The following RFX7 variants were observed in gnomAD, a reference collection of about 807,000 sequenced individuals.
RFX7 encodes the protein regulatory factor X7, also known as DNA-binding protein RFX7.
RFX7 carries 26 observed loss-of-function variants against 111.8 expected under a neutral mutation model. The ratio of observed to expected loss-of-function variants is 0.23; its 90% CI spans 0.17 to 0.32. The LOEUF (loss-of-function observed/expected upper bound fraction) is 0.32. Among genes scored for constraint, RFX7 ranks in the 10% least tolerant of loss-of-function variants. The pLI, the probability that RFX7 is intolerant of heterozygous loss-of-function variation, is 1.00. For missense variants in RFX7, 1,573 were observed against 1,772.9 expected (o/e 0.89, Z 2.02); for synonymous variants, 624 against 624.4 (o/e 1.00, Z 0.01).
chr15:56,195,821 T>C (rs892989573), intron 2 of RFX7, among the ~76,000 whole-genome samples: 1 of 152,196 alleles, frequency 6.6e-6, no homozygotes, highest in Non-Finnish European at 1.5e-5. Context: ...AAATGACATA[T>C]GCTATGTATT....
In RFX7 at chr15:56,096,063, G is replaced by A; in HGVS notation, c.1665C>T (p.Asn555=). 3 of 1,613,476 alleles carry A rather than the reference G, an allele frequency of 1.9e-6. No homozygotes were observed. The highest frequency in any genetic ancestry group is 2.5e-6 in the Non-Finnish European group (3 of 1,179,680). The change falls in exon 10 of 10, where the codon AAC becomes AAT. Residue 555 remains asparagine (N), a synonymous_variant. Transcript: ENST00000559447. The stretch of plus-strand genomic sequence containing the variant: ...TCTGGGGAGCTTTAGCCTCATCAGA[G>A]TTCTCTTGGCACTGTACAGGATGCT... The part of the protein sequence containing the change: ...SDEHPVQCQE[N]SDEAKAPQTP...
chr15:56,096,785 C>A lies in RFX7; in HGVS notation c.1108-165G>T, dbSNP rs536708443. On this transcript the variant is annotated intron_variant, in intron 9 of 9. Transcript: ENST00000559447. ...CTAGACCAGGTTCTACACAATCAGA[C>A]ACATAAATGTAACAAATGCAACCAT... 9.9e-5 allele frequency among the ~76,000 whole-genome samples: 15 copies of A among 152,220 alleles called. No individual in the cohort carries two copies. In the South Asian group the frequency reaches 1.0e-3, roughly 11 times the overall value.
chr15:56,128,209 T>C (rs1484661676), intron 5 of RFX7, among the ~76,000 whole-genome samples: 1 of 152,126 alleles, frequency 6.6e-6, no homozygotes. Context: ...TCTTTGATAG[T>C]TTAGAAGGGA....
At chr15:56,121,693 T>C (rs1038128170) in intron 5 of RFX7, among the ~76,000 whole-genome samples, 1 of 152,214 alleles carries the variant, frequency 6.6e-6, no homozygotes, top group African/African-American at 2.4e-5. Flanking sequence ...TTTCTAGATC[T>C]TGTAGGTGTG....
chr15:56,125,851 T>G (rs1301281747), intron 5 of RFX7, among the ~76,000 whole-genome samples: 1 of 152,188 alleles, frequency 6.6e-6, no homozygotes, highest in Non-Finnish European at 1.5e-5. Context: ...TACATATAGC[T>G]ACTTTCCAAG....
chr15:56,189,994 A>C (rs1333869866), intron 2 of RFX7: 1 of 152,240 alleles, frequency 6.6e-6, no homozygotes, highest in Non-Finnish European at 1.5e-5. Context: ...ACACAATGGA[A>C]TACTACTCAG....
At chr15:56,127,734 G>C (rs1304133698) in intron 5 of RFX7, among the ~76,000 whole-genome samples, 4 of 151,694 alleles carry the variant, frequency 2.6e-5, no homozygotes, top group Admixed American at 2.0e-4. Flanking sequence ...TTTCAGTAGA[G>C]ACGGGGTTTC....
At position 56,230,003 on chromosome 15, in the gene RFX7, G is replaced by A. The variant is rs1400950867; in HGVS notation, c.161+13122C>T. 3.3e-5 allele frequency among the ~76,000 whole-genome samples: 5 copies of A among 152,064 alleles called. No individual in the cohort carries two copies. The East Asian group carries it at 9.6e-4, about 29-fold the overall frequency. On this transcript the variant is annotated intron_variant, in intron 2 of 9. Transcript: ENST00000559447. ...CCTTCCTTATCTGCCCTCACCGACAGGCTTCCTTTGCCACCTTCAGGCTTT... is the reference window on the plus strand; with the variant it reads ...CCTTCCTTATCTGCCCTCACCGACAAGCTTCCTTTGCCACCTTCAGGCTTT...
intron 3 of RFX7, among the ~76,000 whole-genome samples, chr15:56,178,165 CTACACA>C (rs1186888171): frequency 2.4e-5 from 2 of 81,850 alleles, no homozygotes; most frequent in Non-Finnish European, 2.5e-5. Context: ...AACCAAAAAA[CTACACA>C]CACACACACA....
Position 56,094,159 on chromosome 15 carries a change from C to T in RFX7, c.3569G>A (p.Arg1190Gln), listed in dbSNP as rs373798837. ...STLYPVSNIP[R>Q]SNVTPFGSPV... The stretch of plus-strand genomic sequence containing the variant: ...ACTTCCAAAGGGGGTCACATTAGAT[C>T]GTGGGATATTAGATACTGGATAGAG... The change falls in exon 10 of 10, where the codon CGA becomes CAA. Residue 1190 changes from arginine (R) to glutamine (Q), a missense_variant. Around this residue, in one of 7 missense-constraint regions of RFX7, gnomAD observed 411 missense variants for 478.1 expected, o/e 0.86. Coordinates refer to ENST00000559447, the MANE Select transcript of RFX7 (RefSeq NM_022841.7). The T allele has an allele frequency of 3.9e-5, 63 of 1,613,734 alleles. No individual in the cohort carries two copies. The highest frequency in any genetic ancestry group is 4.8e-5 in the Non-Finnish European group (57 of 1,179,862).
intron 5 of RFX7, among the ~76,000 whole-genome samples, chr15:56,110,995 C>T (rs1339159933): frequency 3.0e-5 from 1 of 33,058 alleles, no homozygotes; most frequent in African/African-American, 7.8e-5. Flanking sequence ...GCCCCCCGCC[C>T]GGCCAGCCAC....
chr15:56,193,070 A>G, intron 2 of RFX7: 1 of 247,858 alleles, frequency 4.0e-6, no homozygotes, highest in Non-Finnish European at 8.6e-6. Context: ...CACTTTCCTA[A>G]GGCTTTTCTC....
intron 3 of RFX7, among the ~76,000 whole-genome samples, chr15:56,172,678 A>G (rs2042858143): frequency 6.6e-6 from 1 of 152,244 alleles, no homozygotes; most frequent in Non-Finnish European, 1.5e-5. Context: ...CTATTTTCTC[A>G]GAGAAGTAGA....
In RFX7 at chr15:56,142,353, CTT is replaced by C. The variant is rs775885928; in HGVS notation, c.401+423_401+424del. 4.8e-4 allele frequency among the ~76,000 whole-genome samples: 73 copies of C among 152,106 alleles called. 1 individual carries two copies. Among genetic ancestry groups the C allele is most frequent in the Admixed American group, 1.2e-3 (19 of 15,272 alleles). Reference sequence around the variant, plus strand: ...TTTGGTATGGAGAAGAATTAGAAGACTTTTAGATTCATGAAAAGGGCCTTTAA... The same window carrying C: ...TTTGGTATGGAGAAGAATTAGAAGACTTAGATTCATGAAAAGGGCCTTTAA... On this transcript the variant is annotated intron_variant, in intron 5 of 9. Transcript: ENST00000559447.
chr15:56,133,116 A>G (rs1043665130), intron 5 of RFX7, among the ~76,000 whole-genome samples: 1 of 152,146 alleles, frequency 6.6e-6, no homozygotes, highest in Non-Finnish European at 1.5e-5. Context: ...TGATGAATAT[A>G]CATTTTATAA....
Position 56,102,205 on chromosome 15 carries a change from T to C in RFX7, c.567A>G (p.Thr189=), listed in dbSNP as rs1177725414. Reference sequence around the variant, plus strand: ...TTTTGTGAAAGTCAAGGTTGGGCAGTGTTGGCATATGAACAAAAGCTTTTT... The same window carrying C: ...TTTTGTGAAAGTCAAGGTTGGGCAGCGTTGGCATATGAACAAAAGCTTTTT... ...LRKKAFVHMP[T]LPNLDFHKTG... is the part of the protein sequence containing the mutation. Residue 189 remains threonine (T), a synonymous_variant, in exon 7 of 10, where the codon ACA becomes ACG. Coordinates refer to ENST00000559447, the MANE Select transcript of RFX7 (RefSeq NM_022841.7). 3 of 1,613,152 alleles carry C rather than the reference T, an allele frequency of 1.9e-6. No individual in the cohort carries two copies. The highest frequency in any genetic ancestry group is 1.3e-5 in the African/African-American group (1 of 74,920).
At chr15:56,151,467 T>C (rs1019725266) in intron 3 of RFX7, among the ~76,000 whole-genome samples, 25 of 152,140 alleles carry the variant, frequency 1.6e-4, no homozygotes, top group African/African-American at 5.3e-4. Context: ...CTAAGCTTCA[T>C]AAGTGAAGGA....
intron 2 of RFX7, among the ~76,000 whole-genome samples, chr15:56,208,102 A>C (rs561077524): frequency 1.3e-5 from 2 of 152,236 alleles, no homozygotes; most frequent in Non-Finnish European, 2.9e-5. Flanking sequence ...TGAATATTTA[A>C]GAAAAACCTC....
At position 56,235,716 on chromosome 15, in the gene RFX7, T is replaced by G. The variant is rs28369114; in HGVS notation, c.161+7409A>C. 4.4e-3 allele frequency among the ~76,000 whole-genome samples: 674 copies of G among 152,242 alleles called. 7 individuals are homozygous for G. Among genetic ancestry groups the G allele is most frequent in the African/African-American group, 0.016 (650 of 41,538 alleles). On this transcript the variant is annotated intron_variant, in intron 2 of 9. Transcript: ENST00000559447. ...GGGCATGTGTATCATTACTTCTTAT[T>G]CCCATGCCCTTGCTAGAAATATCAC...
Sources: allele counts gnomAD v4.1 joint callset (sites outside exome capture counted in the v4.1 genomes callset), GRCh38; gene constraint gnomAD v4.1.1; regional missense constraint gnomAD v4.1.1; transcripts MANE v1.5; gene names NCBI Gene and HGNC (gene_info 2026-07-23, HGNC 2026-07-21).